SHPRH: variants seen among roughly 807,000 people sequenced by gnomAD.
SHPRH encodes E3 ubiquitin-protein ligase SHPRH.
Under a neutral mutation model 202.5 loss-of-function variants are expected in SHPRH, and 106 were observed. The ratio of observed to expected loss-of-function variants is 0.52; its 90% CI spans 0.45 to 0.62. The LOEUF is 0.62. Ranked by LOEUF, SHPRH falls within the 20% of genes least tolerant of loss-of-function variation. The pLI, the probability that SHPRH is intolerant of heterozygous loss-of-function variation, is 0.00. For missense variants in SHPRH, 1,710 were observed against 2,020.0 expected, an observed-to-expected ratio of 0.85 and a Z score of 2.94; for synonymous variants, 729 against 686.0, an observed-to-expected ratio of 1.06 and a Z score of -0.98.
At chr6:145,861,960 T>TA (rs1000828455), downstream of SHPRH, among the ~76,000 whole-genome samples, 7 of 152,032 alleles carry the variant, frequency 4.6e-5, no homozygotes, top group African/African-American at 1.4e-4. Context: ...AAAATAGTCA[T>TA]ACAAATAGCA....
downstream of SHPRH, among the ~76,000 whole-genome samples, chr6:145,861,634 T>C (rs1020988770): frequency 1.3e-5 from 2 of 152,216 alleles, no homozygotes; most frequent in Non-Finnish European, 2.9e-5. Context: ...CTTGAAGAGA[T>C]ATCCATCCTC....
chr6:145,911,029 C>T (rs1372095912), intron 24 of SHPRH, among the ~76,000 whole-genome samples: 2 of 152,106 alleles, frequency 1.3e-5, no homozygotes. Flanking sequence ...TATTTTCACA[C>T]ATTAAAGCAC....
intron 28 of SHPRH, among the ~76,000 whole-genome samples, chr6:145,891,040 C>T (rs147984640): frequency 3.7e-4 from 56 of 152,254 alleles, no homozygotes; most frequent in African/African-American, 1.2e-3. Context: ...CCTTCACTCC[C>T]ACCCTATCAC....
At chr6:145,895,091 A>AT in intron 25 of SHPRH, 114 bp from the exon 26 acceptor site, 1 of 866,598 alleles carries the variant, frequency 1.2e-6, no homozygotes, top group Non-Finnish European at 1.8e-6. Flanking sequence ...ATCAAAACAA[A>AT]TTATCAGGTG....
intron 25 of SHPRH, among the ~76,000 whole-genome samples, chr6:145,899,121 CTT>C (rs1157333285): frequency 6.6e-6 from 1 of 152,052 alleles, no homozygotes; most frequent in Non-Finnish European, 1.5e-5. Context: ...GCCGTAACTC[CTT>C]TTATTTATAA....
intron 14 of SHPRH, 78 bp downstream of exon 14, chr6:145,932,979 T>C (rs924581879): frequency 1.4e-6 from 2 of 1,417,226 alleles, no homozygotes; most frequent in Middle Eastern, 2.1e-4. Flanking sequence ...CCCCCAAAAA[T>C]CAAAATCTAT....
intron 27 of SHPRH, among the ~76,000 whole-genome samples, chr6:145,893,805 AACTGTGACC>A (rs1781772949): frequency 6.6e-6 from 1 of 152,216 alleles, no homozygotes; most frequent in East Asian, 1.9e-4. Context: ...ATGTAAGGAT[AACTGTGACC>A]ACATGCAGTT....
Position 145,935,179 on chromosome 6 carries a change from G to GAAA in SHPRH, c.2734-19_2734-17dup, listed in dbSNP as rs200288193. ...GTATTTGGATCTGTGAAAAGGAGCA[G>GAAA]AAAAAAAAAAAAAGATATCATCTAA... On this transcript the variant is annotated splice_polypyrimidine_tract_variant and intron_variant, in intron 12 of 29. Transcript: ENST00000275233. 6 of 1,324,308 alleles carry GAAA rather than the reference G, an allele frequency of 4.5e-6. No homozygotes were observed. Among genetic ancestry groups the GAAA allele is most frequent in the South Asian group, 2.8e-5 (2 of 71,968 alleles). 82.0% of individuals were successfully genotyped at this position (1,324,308 alleles called of 1,614,324 possible).
chr6:145,948,993 T>C (rs1394383796), intron 4 of SHPRH, among the ~76,000 whole-genome samples: 1 of 152,054 alleles, frequency 6.6e-6, no homozygotes, highest in Non-Finnish European at 1.5e-5. Flanking sequence ...AATTGGCTTC[T>C]TTAGAGATTA....
At chr6:145,863,111 G>A (rs1456755026), downstream of SHPRH, among the ~76,000 whole-genome samples, 1 of 152,166 alleles carries the variant, frequency 6.6e-6, no homozygotes, top group East Asian at 1.9e-4. Context: ...GGATACAAAG[G>A]TGAATACAGG....
intron 17 of SHPRH, among the ~76,000 whole-genome samples, chr6:145,924,155 A>G (rs947156296): frequency 6.6e-6 from 1 of 151,984 alleles, no homozygotes; most frequent in South Asian, 2.1e-4. Context: ...CTTCATTCTA[A>G]TCTTTAACTA....
chr6:145,924,887 A>G, intron 16 of SHPRH, 41 bp from the exon 17 acceptor site: 1 of 1,489,818 alleles, frequency 6.7e-7, no homozygotes. Context: ...CTCCCAATCT[A>G]GAATATAATT....
rs1781023486 is a variant in SHPRH at position 145,886,532 on chromosome 6, A to G, written c.*159T>C. ...GAAACAGTATATTGAAAAGGACTCAATAAGTACTAAGCCACTGTATAACCA... is the reference window on the plus strand; with the variant it reads ...GAAACAGTATATTGAAAAGGACTCAGTAAGTACTAAGCCACTGTATAACCA... On this transcript the variant is annotated 3_prime_UTR_variant, in exon 30 of 30. Transcript: ENST00000275233. 5 of 1,319,598 alleles carry G rather than the reference A, an allele frequency of 3.8e-6. No individual in the cohort carries two copies. The South Asian group carries it at 4.2e-5, about 11-fold the overall frequency. 81.7% of individuals were successfully genotyped at this position (1,319,598 alleles called of 1,614,324 possible).
intron 13 of SHPRH, among the ~76,000 whole-genome samples, chr6:145,933,734 C>T (rs1169834293): frequency 6.6e-6 from 1 of 152,136 alleles, no homozygotes. Context: ...CCTTATTTGT[C>T]TATAACCTGC....
At chr6:145,939,887 G>GA (rs1176512104) in intron 11 of SHPRH, among the ~76,000 whole-genome samples, 1 of 152,090 alleles carries the variant, frequency 6.6e-6, no homozygotes, top group African/African-American at 2.4e-5. Flanking sequence ...TTATGCTGCT[G>GA]AAAACATACG....
chr6:145,936,835 C>T (rs563936973), intron 11 of SHPRH, among the ~76,000 whole-genome samples: 1 of 152,216 alleles, frequency 6.6e-6, no homozygotes, highest in African/African-American at 2.4e-5. Context: ...TGCATCACTG[C>T]TATGCAAAGG....
intron 2 of SHPRH, chr6:145,876,693 G>C (rs747397213): frequency 6.6e-6 from 1 of 152,162 alleles, no homozygotes; most frequent in Non-Finnish European, 1.5e-5. Flanking sequence ...ATTATAGGCT[G>C]AACTGTGGCT....
At chr6:145,953,690 C>A (rs534780336) in intron 2 of SHPRH, among the ~76,000 whole-genome samples, 1 of 152,228 alleles carries the variant, frequency 6.6e-6, no homozygotes, top group African/African-American at 2.4e-5. Flanking sequence ...AGCATATTAA[C>A]TTGCTTCACA....
Position 145,922,314 on chromosome 6 carries a change from CTG to C in SHPRH, c.3752_3753del (p.Thr1251ArgfsTer3), listed in dbSNP as rs1407077451. On this transcript the variant is annotated frameshift_variant, in exon 20 of 30. Coordinates refer to ENST00000275233, the MANE Select transcript of SHPRH (RefSeq NM_001042683.3). LOFTEE classifies it high-confidence loss of function. Reference protein sequence around the residue: ...CVFCKADELFTEYESKLFSNT... With the variant: ...CVFCKADELFXEYESKLFSNT... ...TTGGAAAATAGCTTTGATTCATACTCTGTGAACAATTCATCAGCTTTACAAAA... is the reference window on the plus strand; with the variant it reads ...TTGGAAAATAGCTTTGATTCATACTCTGAACAATTCATCAGCTTTACAAAA... 2 of 1,566,282 alleles carry C rather than the reference CTG, an allele frequency of 1.3e-6. No homozygotes were observed. Among genetic ancestry groups the C allele is most frequent in the Non-Finnish European group, 1.7e-6 (2 of 1,165,588 alleles).
Sources: gnomAD v4.1 joint callset for allele counts (sites outside exome capture counted in the v4.1 genomes callset) on GRCh38, gnomAD v4.1.1 for gene constraint, MANE v1.5 for transcripts, NCBI Gene and HGNC (gene_info 2026-07-23, HGNC 2026-07-21) for gene names.